The following NCAM1 variants were observed in gnomAD, a reference collection of about 807,000 sequenced individuals.
NCAM1 encodes the protein neural cell adhesion molecule 1.
In NCAM1, 14 loss-of-function variants were observed where a neutral mutation model predicts 109.8. The observed-to-expected ratio is 0.13, with a 90% confidence interval of 0.08 to 0.20. NCAM1 has a LOEUF of 0.20. Ranked by LOEUF, NCAM1 falls within the 10% of genes least tolerant of loss-of-function variation. The pLI, the probability that NCAM1 is intolerant of heterozygous loss-of-function variation, is 1.00. For synonymous variants in NCAM1, 418 were observed against 442.9 expected (o/e 0.94, Z 0.70); for missense variants, 774 against 1,109.9 (o/e 0.70, Z 4.30).
intron 1 of NCAM1, among the ~76,000 whole-genome samples, chr11:113,005,734 C>T (rs1951877562): frequency 6.6e-6 from 1 of 152,156 alleles, no homozygotes; most frequent in Non-Finnish European, 1.5e-5. Context: ...CATCTATTTT[C>T]AGCTTCTGTC....
At chr11:113,061,127 T>A (rs541785967) in intron 1 of NCAM1, among the ~76,000 whole-genome samples, 6 of 152,326 alleles carry the variant, frequency 3.9e-5, no homozygotes, top group African/African-American at 1.2e-4. Flanking sequence ...AGTTTGCCTA[T>A]TTTATTAACA....
chr11:113,104,327 G>A lies in NCAM1; in HGVS notation c.53-98052G>A, dbSNP rs144650890. Among the ~76,000 whole-genome samples, 48 of 151,732 alleles carry A rather than the reference G, an allele frequency of 3.2e-4. No homozygotes were observed. In the East Asian group the frequency reaches 9.3e-3, roughly 29 times the overall value. ...TATACTGCCCTACTACAAGGGTGAAGAGTTTAGACATATAGCATCTGAGGC... is the reference window on the plus strand; with the variant it reads ...TATACTGCCCTACTACAAGGGTGAAAAGTTTAGACATATAGCATCTGAGGC... On this transcript the variant is annotated intron_variant, in intron 1 of 19. Transcript: ENST00000316851.
chr11:113,214,267 A>G, intron 7 of NCAM1, 102 bp from the exon 8 acceptor site: 1 of 1,265,484 alleles, frequency 7.9e-7, no homozygotes, highest in East Asian at 2.4e-5. Context: ...AGGGTCTTGT[A>G]CTTAGCAGAC....
intron 1 of NCAM1, among the ~76,000 whole-genome samples, chr11:113,044,437 C>A (rs1161870491): frequency 6.6e-6 from 1 of 152,084 alleles, no homozygotes; most frequent in Non-Finnish European, 1.5e-5. Context: ...GCAATCCCAG[C>A]ACTTTGGGAG....
intron 1 of NCAM1, among the ~76,000 whole-genome samples, chr11:113,011,424 C>G (rs978687966): frequency 3.7e-4 from 56 of 151,882 alleles, no homozygotes; most frequent in South Asian, 6.3e-4. Context: ...AATAAACATA[C>G]GTGTGCATGT....
intron 1 of NCAM1, among the ~76,000 whole-genome samples, chr11:113,178,114 G>C (rs533241001): frequency 3.3e-5 from 5 of 152,204 alleles, no homozygotes; most frequent in Middle Eastern, 3.4e-3. Flanking sequence ...ATGCAAATAC[G>C]GTCCCAACAT....
chr11:113,167,543 T>TTA (rs1942845686), intron 1 of NCAM1, among the ~76,000 whole-genome samples: 4 of 143,912 alleles, frequency 2.8e-5, no homozygotes, highest in Non-Finnish European at 6.0e-5. Context: ...TTTTTTTAAT[T>TTA]AAAAAAAAAA....
rs142167965 is a variant in NCAM1, at chr11:112,982,085, A to G, written c.52+20421A>G. On this transcript the variant is annotated intron_variant, in intron 1 of 19. Coordinates refer to ENST00000316851, the MANE Select transcript of NCAM1 (RefSeq NM_181351.5). Reference sequence around the variant, plus strand: ...TTTGGCAATTGGGATGCACTTCCCTATAAGATGTTTTATGTGGTGGTTTTG... The same window carrying G: ...TTTGGCAATTGGGATGCACTTCCCTGTAAGATGTTTTATGTGGTGGTTTTG... Among the ~76,000 whole-genome samples the G allele has an allele frequency of 6.3e-4, 95 of 152,000 alleles. 1 individual carries two copies. The East Asian group carries it at 0.017, about 27-fold the overall frequency.
At chr11:113,055,131 A>T (rs1218433691) in intron 1 of NCAM1, among the ~76,000 whole-genome samples, 1 of 152,214 alleles carries the variant, frequency 6.6e-6, no homozygotes, top group Non-Finnish European at 1.5e-5. Flanking sequence ...CCTTATTTCC[A>T]TAAATTTTGC....
intron 1 of NCAM1, among the ~76,000 whole-genome samples, chr11:113,123,473 C>T (rs554538116): frequency 6.6e-6 from 1 of 152,312 alleles, no homozygotes; most frequent in East Asian, 1.9e-4. Flanking sequence ...GACACTCTTA[C>T]TCTGTTCTTC....
chr11:113,015,682 G>A (rs1346794034), intron 1 of NCAM1, among the ~76,000 whole-genome samples: 1 of 151,890 alleles, frequency 6.6e-6, no homozygotes, highest in Non-Finnish European at 1.5e-5. Flanking sequence ...GTTGCAGTGA[G>A]CCGAGATCAT....
intron 1 of NCAM1, among the ~76,000 whole-genome samples, chr11:113,035,580 G>T (rs1190860841): frequency 6.6e-6 from 1 of 152,080 alleles, no homozygotes; most frequent in Non-Finnish European, 1.5e-5. Flanking sequence ...TTTTTTAAAG[G>T]CCTTGGTGTT....
intron 1 of NCAM1, among the ~76,000 whole-genome samples, chr11:113,106,469 G>T (rs1489292076): frequency 2.0e-5 from 3 of 152,158 alleles, no homozygotes; most frequent in Non-Finnish European, 4.4e-5. Context: ...TGAAGAAGAA[G>T]ATAAAAAACA....
intron 1 of NCAM1, among the ~76,000 whole-genome samples, chr11:113,009,312 G>GTTTTTTTGTTTTTTTTTTTTTTT (rs1555073910): frequency 3.8e-5 from 3 of 79,690 alleles, no homozygotes; most frequent in South Asian, 5.8e-4. Context: ...GTTTTTTCGG[G>GTTTTTTTGTTTTTTTTTTTTTTT]TTTTTTTTTT....
At position 113,153,473 on chromosome 11, in the gene NCAM1, AGAGT is replaced by A. The variant is rs782590400; in HGVS notation, c.53-48904_53-48901del. Among the ~76,000 whole-genome samples the A allele has an allele frequency of 4.0e-5, 6 of 148,862 alleles. 1 individual carries two copies. The South Asian group carries it at 1.3e-3, about 32-fold the overall frequency. The stretch of plus-strand genomic sequence containing the variant: ...GAGAGTGAGAGAGAGAGAGAGAGAG[AGAGT>A]GTGTGTGTGTGTGTATGTGGCAAAC... On this transcript the variant is annotated intron_variant, in intron 1 of 19. Transcript: ENST00000316851.
At chr11:113,242,647 AAG>A (rs1484778039) in intron 14 of NCAM1, among the ~76,000 whole-genome samples, 4 of 152,308 alleles carry the variant, frequency 2.6e-5, no homozygotes, top group Admixed American at 2.6e-4. Context: ...ATTGATAGAG[AAG>A]AGAGAGAATA....
At chr11:113,127,247 C>T (rs1298742232) in intron 1 of NCAM1, among the ~76,000 whole-genome samples, 1 of 152,136 alleles carries the variant, frequency 6.6e-6, no homozygotes, top group East Asian at 1.9e-4. Context: ...AAAAGCTCTC[C>T]AGGTAATTCT....
chr11:113,126,148 C>A, intron 1 of NCAM1, among the ~76,000 whole-genome samples: 1 of 81,712 alleles, frequency 1.2e-5, no homozygotes, highest in Non-Finnish European at 2.9e-5. Context: ...AGAGTGATAC[C>A]CTTTCTCAAA....
chr11:113,083,457 A>C (rs544636959), intron 1 of NCAM1, among the ~76,000 whole-genome samples: 2 of 152,298 alleles, frequency 1.3e-5, no homozygotes, highest in Admixed American at 6.5e-5. Context: ...CATTGGGCTG[A>C]AGTGATTGGT....
Sources: gnomAD v4.1 joint callset for allele counts (sites outside exome capture counted in the v4.1 genomes callset) on GRCh38, gnomAD v4.1.1 for gene constraint, MANE v1.5 for transcripts, NCBI Gene and HGNC (gene_info 2026-07-23, HGNC 2026-07-21) for gene names.